The following PTCD2 variants were observed in gnomAD, a reference collection of about 807,000 sequenced individuals.
The protein encoded by PTCD2 is pentatricopeptide repeat domain 2.
In PTCD2, 31 loss-of-function variants were observed where a neutral mutation model predicts 42.6. That is an observed-to-expected ratio of 0.73 (90% CI 0.55 to 0.98). The LOEUF (loss-of-function observed/expected upper bound fraction) is 0.98. PTCD2 is among the 50% of genes least tolerant of loss of function. The pLI, the probability that PTCD2 is intolerant of heterozygous loss-of-function variation, is 0.00. For missense variants in PTCD2, 476 were observed against 454.8 expected, an observed-to-expected ratio of 1.05 and a Z score of -0.42; for synonymous variants, 183 against 170.9, an observed-to-expected ratio of 1.07 and a Z score of -0.55.
intron 2 of PTCD2, among the ~76,000 whole-genome samples, chr5:72,323,914 A>C (rs1750998179): frequency 6.6e-6 from 1 of 152,140 alleles, no homozygotes; most frequent in Admixed American, 6.6e-5. Context: ...CTAAAGTACA[A>C]GCGTGAGCCA....
chr5:72,334,473 A>G (rs756003861), intron 4 of PTCD2, among the ~76,000 whole-genome samples: 1 of 152,198 alleles, frequency 6.6e-6, no homozygotes, highest in Non-Finnish European at 1.5e-5. Context: ...CCTTCATGGT[A>G]ATTATGAAAC....
chr5:72,338,942 C>T (rs922957234), intron 7 of PTCD2, among the ~76,000 whole-genome samples: 11 of 152,188 alleles, frequency 7.2e-5, no homozygotes, highest in Middle Eastern at 3.2e-3. Context: ...ACCTAACATG[C>T]ATTTCTAAAT....
At chr5:72,339,566 C>G (rs1217788542) in intron 7 of PTCD2, among the ~76,000 whole-genome samples, 3 of 152,122 alleles carry the variant, frequency 2.0e-5, no homozygotes, top group Admixed American at 1.3e-4. Context: ...TTCTGCTGGG[C>G]CAAGATCATT....
intron 8 of PTCD2, among the ~76,000 whole-genome samples, chr5:72,345,563 GAGTAAAGAC>G (rs1445776338): frequency 6.6e-6 from 1 of 152,202 alleles, no homozygotes; most frequent in Non-Finnish European, 1.5e-5. Context: ...TTTATGTTCA[GAGTAAAGAC>G]AGTAAAGACA....
rs181399556 is a variant in PTCD2 at position 72,328,871 on chromosome 5, C to T, written c.350+2130C>T. On this transcript the variant is annotated intron_variant, in intron 3 of 9. Transcript: ENST00000380639. ...ATAAATAATGTCATGATGAGAAACT[C>T]GCTGCATAAAACTTACTCTTTGTTT... is the stretch of plus-strand genomic sequence containing the variant. Among the ~76,000 whole-genome samples the T allele has an allele frequency of 1.9e-4, 29 of 152,230 alleles. No homozygotes were observed. In the East Asian group the frequency reaches 2.1e-3, roughly 11 times the overall value.
At position 72,362,747 on chromosome 5, in the gene PTCD2, G is replaced by T. The variant is rs1481170593; in HGVS notation, c.*4320G>T. On this transcript the variant is annotated 3_prime_UTR_variant, in exon 10 of 10. Transcript: ENST00000380639. ...CTACAAAGGACAAGGCACTACGAAA[G>T]ACTCTACATGCCACAGGGAAAAGAC... 6.6e-6 allele frequency: 1 copy of T among 152,182 alleles called. No individual in the cohort carries two copies. The highest frequency in any genetic ancestry group is 1.9e-4 in the East Asian group (1 of 5,196). 9.4% of individuals were successfully genotyped at this position (152,182 alleles called of 1,614,324 possible). A position where few individuals can be genotyped will look rare whatever the true frequency, so the allele number is the denominator to read the frequency against.
intron 2 of PTCD2, among the ~76,000 whole-genome samples, chr5:72,325,978 G>A (rs1013097310): frequency 6.6e-6 from 1 of 152,214 alleles, no homozygotes; most frequent in Non-Finnish European, 1.5e-5. Flanking sequence ...TTCTGTCACT[G>A]AAAAACTGTT....
chr5:72,350,112 G>C (rs1752550239), intron 8 of PTCD2, among the ~76,000 whole-genome samples: 1 of 152,176 alleles, frequency 6.6e-6, no homozygotes, highest in Non-Finnish European at 1.5e-5. Context: ...CATTGAACAA[G>C]GTAGACTTGT....
intron 9 of PTCD2, among the ~76,000 whole-genome samples, chr5:72,357,956 C>T (rs1752959407): frequency 6.6e-6 from 1 of 151,920 alleles, no homozygotes; most frequent in African/African-American, 2.4e-5. Flanking sequence ...TCCCACTACA[C>T]CAACTAATTT....
rs573917471 is a variant in PTCD2 at position 72,346,632 on chromosome 5, C to G, written c.828+3596C>G. 4.6e-5 allele frequency among the ~76,000 whole-genome samples: 7 copies of G among 152,312 alleles called. No individual in the cohort carries two copies. In the South Asian group the frequency reaches 1.4e-3, roughly 32 times the overall value. ...GGTCAGGTCATTTGAGCAAGTGATA[C>G]CAGTAAGCTAAACAGACTGGGAAGC... On this transcript the variant is annotated intron_variant, in intron 8 of 9. Coordinates refer to ENST00000380639, the MANE Select transcript of PTCD2 (RefSeq NM_024754.5).
At chr5:72,333,221 G>A (rs1365952390) in intron 4 of PTCD2, among the ~76,000 whole-genome samples, 4 of 152,096 alleles carry the variant, frequency 2.6e-5, no homozygotes, top group Non-Finnish European at 5.9e-5. Context: ...CAGCCATGGC[G>A]AGCTCACAGC....
intron 8 of PTCD2, among the ~76,000 whole-genome samples, chr5:72,344,464 A>C (rs1250347601): frequency 6.6e-6 from 1 of 152,030 alleles, no homozygotes; most frequent in Non-Finnish European, 1.5e-5. Context: ...AGTGAGCCAA[A>C]ATTGCGCCAC....
rs183956409 is a variant in PTCD2 at position 72,348,106 on chromosome 5, A to G, written c.829-4535A>G. Among the ~76,000 whole-genome samples, 4 of 152,322 alleles carry G rather than the reference A, an allele frequency of 2.6e-5. No individual in the cohort carries two copies. In the East Asian group the frequency reaches 7.7e-4, roughly 29 times the overall value. ...ATTTCTCATGTTGCAATATAAGCCT[A>G]TGTCATCTTCCTCGGGGATGATGAA... On this transcript the variant is annotated intron_variant, in intron 8 of 9. Coordinates refer to ENST00000380639, the MANE Select transcript of PTCD2 (RefSeq NM_024754.5).
intron 9 of PTCD2, among the ~76,000 whole-genome samples, chr5:72,355,766 C>T (rs1465703251): frequency 6.6e-6 from 1 of 152,292 alleles, no homozygotes; most frequent in East Asian, 1.9e-4. Flanking sequence ...TGACAGTGAT[C>T]ATATTGTTAG....
chr5:72,358,707 G>A lies in PTCD2; in HGVS notation c.*280G>A, dbSNP rs1380611742. 2.2e-5 allele frequency: 10 copies of A among 450,692 alleles called. No homozygotes were observed. The highest frequency in any genetic ancestry group is 1.7e-4 in the South Asian group (6 of 36,294). 27.9% of individuals were successfully genotyped at this position (450,692 alleles called of 1,614,324 possible). On this transcript the variant is annotated 3_prime_UTR_variant, in exon 10 of 10. Transcript: ENST00000380639. ...CTGGTCAGTCTCCGGTTCAGCTTCCGACACCAGAGTGGAACCCAGTAAGCA... is the reference window on the plus strand; with the variant it reads ...CTGGTCAGTCTCCGGTTCAGCTTCCAACACCAGAGTGGAACCCAGTAAGCA...
chr5:72,334,315 G>A (rs1041763031), intron 4 of PTCD2, among the ~76,000 whole-genome samples: 1 of 152,204 alleles, frequency 6.6e-6, no homozygotes, highest in African/African-American at 2.4e-5. Flanking sequence ...ATAGTTGTGT[G>A]AGACCCTCCT....
chr5:72,344,834 A>T (rs958846395), intron 8 of PTCD2, among the ~76,000 whole-genome samples: 1 of 152,040 alleles, frequency 6.6e-6, no homozygotes, highest in Non-Finnish European at 1.5e-5. Flanking sequence ...AAGGGGAGGG[A>T]GTGTATGAAT....
Position 72,331,379 on chromosome 5 carries a change from A to G in PTCD2, c.468+4A>G, listed in dbSNP as rs1389795598. The G allele has an allele frequency of 1.3e-6, 2 of 1,580,646 alleles. No homozygotes were observed. The highest frequency in any genetic ancestry group is 1.7e-6 in the Non-Finnish European group (2 of 1,149,600). On this transcript the variant is annotated splice_donor_region_variant and intron_variant, in intron 4 of 9. Coordinates refer to ENST00000380639, the MANE Select transcript of PTCD2 (RefSeq NM_024754.5). ...AGTGGAGCTCATGAAAGACCAGGTT[A>G]TTGTTTCCTAATTGTTTTCTCTGCC...
At chr5:72,357,646 A>C (rs1339006162) in intron 9 of PTCD2, among the ~76,000 whole-genome samples, 1 of 152,164 alleles carries the variant, frequency 6.6e-6, no homozygotes, top group East Asian at 1.9e-4. Flanking sequence ...AACAAAGTTG[A>C]TTCCACTGGT....
Sources: gnomAD v4.1 joint callset for allele counts (sites outside exome capture counted in the v4.1 genomes callset) on GRCh38, gnomAD v4.1.1 for gene constraint, MANE v1.5 for transcripts, NCBI Gene and HGNC (gene_info 2026-07-23, HGNC 2026-07-21) for gene names.